The following MACROD2 variants were observed in gnomAD, a reference collection of about 807,000 sequenced individuals.
The protein encoded by MACROD2 is ADP-ribose glycohydrolase MACROD2.
In MACROD2, 36 loss-of-function variants were observed where a neutral mutation model predicts 70.4. That is an observed-to-expected ratio of 0.51 (90% CI 0.39 to 0.68). MACROD2 has a LOEUF of 0.68. Among genes scored for constraint, MACROD2 ranks in the 30% least tolerant of loss-of-function variants. The probability of loss-of-function intolerance (pLI) is 0.00; values close to 1 mark genes in which losing one functional copy is unlikely to be tolerated. For synonymous variants in MACROD2, 172 were observed against 178.8 expected (o/e 0.96, Z 0.30); for missense variants, 496 against 538.4 (o/e 0.92, Z 0.78).
chr20:14,884,388 A>T (rs917944266), intron 5 of MACROD2: 4 of 152,384 alleles, frequency 2.6e-5, no homozygotes, highest in Non-Finnish European at 5.9e-5. Flanking sequence ...TCTATTTTCA[A>T]GATATCTTAC....
intron 5 of MACROD2, among the ~76,000 whole-genome samples, chr20:15,027,625 A>G (rs543976006): frequency 4.4e-4 from 67 of 151,878 alleles, no homozygotes; most frequent in African/African-American, 1.6e-3. Context: ...CTGTAATCCC[A>G]GCACTTTTGG....
At chr20:14,468,457 C>A (rs1223555377) in intron 3 of MACROD2, among the ~76,000 whole-genome samples, 2 of 128,636 alleles carry the variant, frequency 1.6e-5, no homozygotes, top group African/African-American at 6.1e-5. Flanking sequence ...TTTTTGCTTT[C>A]CATTTTTTTG....
Position 15,274,425 on chromosome 20 carries a change from A to G in MACROD2, c.540+44364A>G, listed in dbSNP as rs142554662. On this transcript the variant is annotated intron_variant, in intron 6 of 17. Coordinates refer to ENST00000684519, the MANE Select transcript of MACROD2 (RefSeq NM_001351661.2). Reference sequence around the variant, plus strand: ...TGTTAGAGCCTGTTCTTCTAAAGTGAAGTTAGTCTTTCTCCTGGTTCTTAC... The same window carrying G: ...TGTTAGAGCCTGTTCTTCTAAAGTGGAGTTAGTCTTTCTCCTGGTTCTTAC... Among the ~76,000 whole-genome samples, 817 of 152,330 alleles carry G rather than the reference A, an allele frequency of 5.4e-3. 2 individuals carry two copies. Among genetic ancestry groups the G allele is most frequent in the Middle Eastern group, 0.024 (7 of 294 alleles).
chr20:15,316,720 A>T (rs1568716831), intron 6 of MACROD2, among the ~76,000 whole-genome samples: 1 of 152,116 alleles, frequency 6.6e-6, no homozygotes, highest in Non-Finnish European at 1.5e-5. Context: ...TGAACACTCC[A>T]TTCCACAACA....
chr20:14,203,984 A>G lies in MACROD2; in HGVS notation c.271+118256A>G, dbSNP rs73264805. 1.6e-3 allele frequency among the ~76,000 whole-genome samples: 239 copies of G among 152,238 alleles called. 1 individual carries two copies. The highest frequency in any genetic ancestry group is 5.4e-3 in the African/African-American group (226 of 41,526). On this transcript the variant is annotated intron_variant, in intron 3 of 17. Coordinates refer to ENST00000684519, the MANE Select transcript of MACROD2 (RefSeq NM_001351661.2). ...GCCCCTGGGCAGTGTGTGTGGCATC[A>G]GTGGTGGTGGTAGCTATGGCAGCTT...
Position 15,222,076 on chromosome 20 carries a change from AAAG to A in MACROD2, c.419-7863_419-7861del, listed in dbSNP as rs2076866699. Among the ~76,000 whole-genome samples the A allele has an allele frequency of 2.6e-5, 4 of 152,332 alleles. No individual in the cohort carries two copies. In the East Asian group the frequency reaches 7.7e-4, roughly 29 times the overall value. Reference sequence around the variant, plus strand: ...CAGCAATGGGTCAACTCACAAACTCAAAGGAAACTAGATTTAAAAATAACATTG... The same window carrying A: ...CAGCAATGGGTCAACTCACAAACTCAGAAACTAGATTTAAAAATAACATTG... On this transcript the variant is annotated intron_variant, in intron 5 of 17. Transcript: ENST00000684519.
intron 5 of MACROD2, chr20:14,849,924 C>T (rs375916626): frequency 2.0e-6 from 1 of 501,642 alleles, no homozygotes; most frequent in South Asian, 1.5e-5. Context: ...TGCAAGAAAG[C>T]TATTGAAACT....
chr20:15,234,007 A>ATTTTT (rs2076986527), intron 6 of MACROD2, among the ~76,000 whole-genome samples: 1 of 49,662 alleles, frequency 2.0e-5, no homozygotes, highest in Non-Finnish European at 4.0e-5. Flanking sequence ...ATATATATAT[A>ATTTTT]TATTCTTTTT....
intron 12 of MACROD2, among the ~76,000 whole-genome samples, chr20:15,951,108 A>G (rs1250685204): frequency 6.6e-6 from 1 of 152,138 alleles, no homozygotes; most frequent in Non-Finnish European, 1.5e-5. Context: ...CCTTTTAAAA[A>G]TGGAGTCTGG....
intron 5 of MACROD2, among the ~76,000 whole-genome samples, chr20:14,848,971 G>A (rs1258408001): frequency 6.6e-6 from 1 of 152,094 alleles, no homozygotes. Context: ...TTTTCTCACA[G>A]GAACAGCATT....
chr20:14,163,648 C>A (rs1242616162), intron 3 of MACROD2, among the ~76,000 whole-genome samples: 1 of 151,404 alleles, frequency 6.6e-6, no homozygotes, highest in Admixed American at 6.6e-5. Context: ...CTTTGTTTTT[C>A]TTTTTTCTTT....
chr20:14,997,588 A>G (rs368233749), intron 5 of MACROD2, among the ~76,000 whole-genome samples: 2 of 152,186 alleles, frequency 1.3e-5, no homozygotes, highest in African/African-American at 4.8e-5. Flanking sequence ...ACAGTAAAAT[A>G]AAGCATGATG....
chr20:14,131,473 C>G (rs1375479321), intron 3 of MACROD2, among the ~76,000 whole-genome samples: 1 of 152,116 alleles, frequency 6.6e-6, no homozygotes, highest in East Asian at 1.9e-4. Flanking sequence ...TTAAATGCAG[C>G]TTTACAAGAA....
At chr20:15,694,122 G>A (rs1600769003) in intron 8 of MACROD2, among the ~76,000 whole-genome samples, 1 of 152,224 alleles carries the variant, frequency 6.6e-6, no homozygotes, top group Middle Eastern at 3.4e-3. Flanking sequence ...TGATTGATGG[G>A]CATTTTGGTT....
chr20:16,050,203 GC>G lies in MACROD2; in HGVS notation c.*331del. The G allele has an allele frequency of 4.9e-6, 1 of 203,484 alleles. No individual in the cohort carries two copies. The highest frequency in any genetic ancestry group is 1.0e-5 in the Non-Finnish European group (1 of 99,980). 12.6% of individuals were successfully genotyped at this position (203,484 alleles called of 1,614,324 possible). On this transcript the variant is annotated 3_prime_UTR_variant, in exon 18 of 18. Transcript: ENST00000684519. ...ATTGAACACTCACATGTGTATCCTG[GC>G]CCCTGTCTGCTTTCTTGGTTATTTC...
intron 8 of MACROD2, among the ~76,000 whole-genome samples, chr20:15,576,582 C>A (rs1385028099): frequency 7.0e-6 from 1 of 142,742 alleles, no homozygotes; most frequent in Admixed American, 7.2e-5. Context: ...GAGGTTGAGT[C>A]ACTTATGCTG....
intron 5 of MACROD2, among the ~76,000 whole-genome samples, chr20:15,169,770 G>A (rs933239976): frequency 2.6e-5 from 4 of 152,004 alleles, no homozygotes; most frequent in African/African-American, 4.8e-5. Context: ...TGACCTGAAA[G>A]CTTTTTTTTT....
intron 6 of MACROD2, among the ~76,000 whole-genome samples, chr20:15,313,931 T>G (rs573295466): frequency 4.6e-5 from 7 of 152,352 alleles, no homozygotes; most frequent in African/African-American, 1.7e-4. Flanking sequence ...TGTGTTATTA[T>G]TTTTTCACTC....
At chr20:15,898,922 A>T (rs746013567) in intron 10 of MACROD2, among the ~76,000 whole-genome samples, 6 of 151,914 alleles carry the variant, frequency 3.9e-5, no homozygotes, top group Non-Finnish European at 8.8e-5. Flanking sequence ...ACACACATAT[A>T]GTATGTATAT....
Sources: gnomAD v4.1 joint callset for allele counts (sites outside exome capture counted in the v4.1 genomes callset) on GRCh38, gnomAD v4.1.1 for gene constraint, MANE v1.5 for transcripts, NCBI Gene and HGNC (gene_info 2026-07-23, HGNC 2026-07-21) for gene names.